FKBP8: variants seen among roughly 807,000 people sequenced by gnomAD.
FKBP8 encodes the protein peptidyl-prolyl cis-trans isomerase FKBP8.
In FKBP8, 5 loss-of-function variants were observed where a neutral mutation model predicts 41.7. That is an observed-to-expected ratio of 0.12 (90% confidence interval 0.06 to 0.25). The LOEUF (loss-of-function observed/expected upper bound fraction) is 0.25. Ranked by LOEUF, FKBP8 falls within the 10% of genes least tolerant of loss-of-function variation. FKBP8 has a pLI of 1.00. For missense variants in FKBP8, 397 were observed against 563.0 expected, an observed-to-expected ratio of 0.71 and a Z score of 2.98; for synonymous variants, 279 against 254.5, an observed-to-expected ratio of 1.10 and a Z score of -0.92.
Position 18,532,651 on chromosome 19 carries a change from T to G in FKBP8, c.1155+13A>C. ...CTGCACACAGCCCCTGCCCATTCTG[T>G]GCCCCAGCTCACCCAGGCACCCTTG... On this transcript the variant is annotated intron_variant, in intron 8 of 8. Transcript: ENST00000608443. The G allele has an allele frequency of 6.2e-7, 1 of 1,613,102 alleles. No homozygotes were observed. Among genetic ancestry groups the G allele is most frequent in the Non-Finnish European group, 8.5e-7 (1 of 1,179,730 alleles).
chr19:18,536,160 A>C (rs1415928774), intron 6 of FKBP8: 1 of 151,950 alleles, frequency 6.6e-6, no homozygotes, highest in African/African-American at 2.4e-5. Context: ...AGCTGGAGGG[A>C]GCCCCACCTC....
chr19:18,533,964 G>C (rs1253916115), intron 6 of FKBP8, among the ~76,000 whole-genome samples: 1 of 115,394 alleles, frequency 8.7e-6, no homozygotes, highest in Non-Finnish European at 1.8e-5. Context: ...AGCCGAGATC[G>C]TGCCACTGCA....
At chr19:18,532,295 T>A in intron 8 of FKBP8, 40 bp from the exon 9 acceptor site, 2 of 1,529,352 alleles carry the variant, frequency 1.3e-6, no homozygotes, top group Non-Finnish European at 1.8e-6. Flanking sequence ...TGGAGGGAGG[T>A]CAAGACTGGC....
chr19:18,541,546 A>T, intron 2 of FKBP8, 133 bp downstream of exon 2: 2 of 1,260,958 alleles, frequency 1.6e-6, no homozygotes, highest in Non-Finnish European at 2.2e-6. Context: ...AAGCATCTCC[A>T]GTAGTTGCCT....
rs186088872 is a variant in FKBP8 at position 18,536,567 on chromosome 19, C to T, written c.945+1034G>A. ...AGGGGGTCTCCCTATGTTGCCTGGG[C>T]TCGTCGCAAATGTCTGGGCTCATGC... On this transcript the variant is annotated intron_variant, in intron 6 of 8. Coordinates refer to ENST00000608443, the MANE Select transcript of FKBP8 (RefSeq NM_012181.5). Among the ~76,000 whole-genome samples the T allele has an allele frequency of 1.8e-3, 268 of 152,258 alleles. 1 individual carries two copies. Among genetic ancestry groups the T allele is most frequent in the Non-Finnish European group, 2.5e-3 (167 of 68,018 alleles).
intron 6 of FKBP8, among the ~76,000 whole-genome samples, chr19:18,535,113 C>G (rs1167433361): frequency 6.6e-6 from 1 of 152,126 alleles, no homozygotes; most frequent in Admixed American, 6.6e-5. Flanking sequence ...ATTTTAGAGA[C>G]AGGGCCATGT....
chr19:18,538,543 C>T lies in FKBP8; in HGVS notation c.552-107G>A. On this transcript the variant is annotated intron_variant, in intron 4 of 8. Coordinates refer to ENST00000608443, the MANE Select transcript of FKBP8 (RefSeq NM_012181.5). This position sits in a 1 kb window ranked among gnomAD's most constrained non-coding sequence, Gnocchi z 4.0. The stretch of plus-strand genomic sequence containing the variant: ...TTGGCTCAAGCCCCCGATCTGTCTC[C>T]CCTCTGCCCTCCATCATTCCCTCCT... 1 of 858,194 alleles carries T rather than the reference C, an allele frequency of 1.2e-6. No individual in the cohort carries two copies. The highest frequency in any genetic ancestry group is 1.8e-6 in the Non-Finnish European group (1 of 565,926). The allele number at this position is 858,194 out of a possible 1,614,324, so 53.2% of individuals were successfully genotyped here.
At chr19:18,532,608 C>T (rs1248396265) in intron 8 of FKBP8, 56 bp downstream of exon 8, 1 of 1,590,554 alleles carries the variant, frequency 6.3e-7, no homozygotes, top group Non-Finnish European at 8.6e-7. Context: ...AAAATAAAAT[C>T]CCTCTGCTAG....
chr19:18,537,839 C>A lies in FKBP8; in HGVS notation c.773-66G>T. On this transcript the variant is annotated intron_variant, in intron 5 of 8. Coordinates refer to ENST00000608443, the MANE Select transcript of FKBP8 (RefSeq NM_012181.5). This position sits in a 1 kb window ranked among gnomAD's most constrained non-coding sequence, Gnocchi z 4.4. ...CCACCAGACACCCCGGCACCCACCCCTCTGCGGAGGCTGCCTCTCTGGCCT... is the reference window on the plus strand; with the variant it reads ...CCACCAGACACCCCGGCACCCACCCATCTGCGGAGGCTGCCTCTCTGGCCT... 6.6e-7 allele frequency: 1 copy of A among 1,511,234 alleles called. No individual in the cohort carries two copies. Among genetic ancestry groups the A allele is most frequent in the Non-Finnish European group, 9.0e-7 (1 of 1,117,196 alleles). 93.6% of individuals were successfully genotyped at this position (1,511,234 alleles called of 1,614,324 possible). A position where few individuals can be genotyped will look rare whatever the true frequency, so the allele number is the denominator to read the frequency against.
In FKBP8 at chr19:18,538,984, T is replaced by G. The variant is rs1976641974; in HGVS notation, c.551+387A>C. On this transcript the variant is annotated intron_variant, in intron 4 of 8. Transcript: ENST00000608443. This position sits in a 1 kb window ranked among gnomAD's most constrained non-coding sequence, Gnocchi z 4.0. ...CACCCACCACCACGCCTGGCTAATT[T>G]TTTGTATTTTTAGTAGAGACGGGGT... Among the ~76,000 whole-genome samples the G allele has an allele frequency of 6.6e-6, 1 of 151,858 alleles. No homozygotes were observed. The highest frequency in any genetic ancestry group is 6.6e-5 in the Admixed American group (1 of 15,222).
chr19:18,533,248 A>G (rs1976489518), intron 7 of FKBP8, 22 bp downstream of exon 7: 1 of 1,548,440 alleles, frequency 6.5e-7, no homozygotes, highest in Non-Finnish European at 8.8e-7. Context: ...AGCAAGTCCC[A>G]GGGCACCCCT....
chr19:18,535,957 T>C (rs1170087461), intron 6 of FKBP8: 3 of 151,792 alleles, frequency 2.0e-5, no homozygotes, highest in Non-Finnish European at 2.9e-5. Flanking sequence ...TTGAACCTGT[T>C]TGAGTGGGTT....
chr19:18,532,612 C>T (rs1436752792), intron 8 of FKBP8, 52 bp downstream of exon 8: 9 of 1,595,836 alleles, frequency 5.6e-6, no homozygotes, highest in African/African-American at 1.3e-5. Context: ...TAAAATCCCT[C>T]TGCTAGGCGT....
At chr19:18,535,902 A>G (rs552701618) in intron 6 of FKBP8, 1 of 152,000 alleles carries the variant, frequency 6.6e-6, no homozygotes. Flanking sequence ...AAGCCAGCTA[A>G]TCCAAACTTG....
At chr19:18,532,546 C>T (rs1042153439) in intron 8 of FKBP8, 118 bp downstream of exon 8, 48 of 1,437,014 alleles carry the variant, frequency 3.3e-5, no homozygotes, top group African/African-American at 2.7e-4. Context: ...GCTCTCTCCA[C>T]GTCCCCTGCA....
rs200336385 is a variant in FKBP8 at position 18,532,752 on chromosome 19, G to A, written c.1067C>T (p.Ala356Val). 1.3e-5 allele frequency: 21 copies of A among 1,613,990 alleles called. No individual in the cohort carries two copies. Among genetic ancestry groups the A allele is most frequent in the Admixed American group, 3.3e-5 (2 of 60,006 alleles). The change falls in exon 8 of 9, where the codon GCG (alanine) becomes GTG (valine). Residue 356 changes from alanine (A) to valine (V), a missense_variant. By Grantham distance (64) the Ala-to-Val change is moderately conservative. Coordinates refer to ENST00000608443, the MANE Select transcript of FKBP8 (RefSeq NM_012181.5). ...ELSKLVKKHA[A>V]QRSTETALYR... The stretch of plus-strand genomic sequence containing the variant: ...CAAGGCGGTCTCCGTGCTCCGCTGC[G>A]CCGCATGCTTCTTCACCAGCTTTGA...
At chr19:18,543,156 G>T (rs1976747940) in intron 1 of FKBP8, 12 of 252,288 alleles carry the variant, frequency 4.8e-5, no homozygotes, top group South Asian at 3.4e-4. Flanking sequence ...GTCAAGCCGC[G>T]ACCCAGGCCC....
chr19:18,542,836 AGT>A, intron 1 of FKBP8: 1 of 1,139,182 alleles, frequency 8.8e-7, no homozygotes, highest in Non-Finnish European at 1.2e-6. Context: ...AGCTCAGAAG[AGT>A]GTGGCACAGC....
At position 18,539,576 on chromosome 19, in the gene FKBP8, G is replaced by A; in HGVS notation, c.437C>T (p.Thr146Ile). The change falls in exon 3 of 9, where the codon ACT (threonine) becomes ATT (isoleucine). Residue 146 changes from threonine (T) to isoleucine (I), a missense_variant. Physicochemically the swap from Thr to Ile is moderately conservative, Grantham distance 89. Transcript: ENST00000608443. ...CTGGATGACGTCACAGTCACCCAGA[G>A]TGAACACCAGCTCCGGCTCCTCCTG... ...RVQEEPELVF[T>I]LGDCDVIQAL... 6.2e-7 allele frequency: 1 copy of A among 1,613,268 alleles called. No homozygotes were observed. Among genetic ancestry groups the A allele is most frequent in the Non-Finnish European group, 8.5e-7 (1 of 1,180,028 alleles).
Sources: gnomAD v4.1 joint callset for allele counts (sites outside exome capture counted in the v4.1 genomes callset) on GRCh38, gnomAD v4.1.1 for gene constraint, Gnocchi (gnomAD v3.1) non-coding constraint, MANE v1.5 for transcripts, NCBI Gene and HGNC (gene_info 2026-07-23, HGNC 2026-07-21) for gene names.